Variants in CACNA1C observed in about 807,000 individuals in gnomAD.
The protein encoded by CACNA1C is voltage-dependent L-type calcium channel subunit alpha-1C.
A neutral mutation model predicts 229.0 loss-of-function variants in CACNA1C; 30 were observed. The ratio of observed to expected loss-of-function variants is 0.13; its 90% CI spans 0.10 to 0.18. The LOEUF (loss-of-function observed/expected upper bound fraction) is 0.18, where lower values mean the gene tolerates loss of function less well. Among genes scored for constraint, CACNA1C ranks in the 10% least tolerant of loss-of-function variants. CACNA1C has a pLI of 1.00. For missense variants in CACNA1C, 1,658 were observed against 2,845.0 expected (o/e 0.58, Z 9.49); for synonymous variants, 1,114 against 1,132.5 (o/e 0.98, Z 0.33).
intron 3 of CACNA1C, among the ~76,000 whole-genome samples, chr12:2,335,438 TAA>T (rs56955362): frequency 0.11 from 15,633 of 146,678 alleles, 892 homozygotes; most frequent in South Asian, 0.15. Flanking sequence ...GCATATTAGT[TAA>T]AAAAAAAAAA....
intron 9 of CACNA1C, among the ~76,000 whole-genome samples, chr12:2,546,677 C>T (rs984336596): frequency 4.6e-5 from 7 of 152,326 alleles, no homozygotes; most frequent in East Asian, 1.9e-4. Context: ...CAGCTGTAGC[C>T]GAGACCCAGC....
At chr12:2,312,358 T>A (rs1430141173) in intron 3 of CACNA1C, among the ~76,000 whole-genome samples, 1 of 152,186 alleles carries the variant, frequency 6.6e-6, no homozygotes, top group Admixed American at 6.5e-5. Context: ...ATGCGAGCTG[T>A]TCTGTTGTTG....
intron 1 of CACNA1C, among the ~76,000 whole-genome samples, chr12:2,032,803 G>T (rs1321533511): frequency 1.3e-5 from 2 of 152,176 alleles, no homozygotes; most frequent in Non-Finnish European, 2.9e-5. Flanking sequence ...CTTAGATTTT[G>T]CAGTAGAGAA....
chr12:2,625,031 G>A (rs112108361), intron 29 of CACNA1C, among the ~76,000 whole-genome samples: 5,560 of 152,186 alleles, frequency 0.037, 321 homozygotes, highest in African/African-American at 0.13. Flanking sequence ...ACGGGGCACC[G>A]GGTGCCACGC....
At chr12:2,617,111 T>C (rs1371430086) in intron 29 of CACNA1C, among the ~76,000 whole-genome samples, 1 of 151,918 alleles carries the variant, frequency 6.6e-6, no homozygotes, top group Admixed American at 6.6e-5. Flanking sequence ...TCTCAGAGAG[T>C]AGAGAGGCAG....
At chr12:2,258,875 CA>C (rs2078994616) in intron 3 of CACNA1C, among the ~76,000 whole-genome samples, 1 of 152,146 alleles carries the variant, frequency 6.6e-6, no homozygotes, top group African/African-American at 2.4e-5. Context: ...GAAGAAGGCA[CA>C]AATCTCCCTT....
chr12:2,447,220 C>T (rs1358986118), intron 3 of CACNA1C, among the ~76,000 whole-genome samples: 1 of 152,154 alleles, frequency 6.6e-6, no homozygotes, highest in Non-Finnish European at 1.5e-5. Flanking sequence ...AACCCAACAT[C>T]ACCTGACTTT....
chr12:2,523,115 AAGG>A (rs2099813031), intron 9 of CACNA1C, among the ~76,000 whole-genome samples: 1 of 134,158 alleles, frequency 7.5e-6, no homozygotes, highest in Non-Finnish European at 1.6e-5. Context: ...TGGACGGAGA[AAGG>A]AGGAAAAGAG....
At chr12:2,143,611 C>T (rs565018839) in intron 3 of CACNA1C, among the ~76,000 whole-genome samples, 21 of 151,204 alleles carry the variant, frequency 1.4e-4, no homozygotes, top group Admixed American at 4.7e-4. Flanking sequence ...ATACAGTCTG[C>T]GTGTGTCGTA....
chr12:2,610,479 A>G (rs1323686347), intron 27 of CACNA1C, 62 bp from the exon 28 acceptor site: 2 of 1,531,364 alleles, frequency 1.3e-6, no homozygotes, highest in East Asian at 4.5e-5. Flanking sequence ...CTTCTCTGCC[A>G]GCTCCCCCCA....
intron 3 of CACNA1C, among the ~76,000 whole-genome samples, chr12:2,279,268 A>G (rs1477681644): frequency 6.6e-6 from 1 of 152,102 alleles, no homozygotes; most frequent in African/African-American, 2.4e-5. Flanking sequence ...GTTCAGTTCC[A>G]TTGATCCATT....
intron 3 of CACNA1C, among the ~76,000 whole-genome samples, chr12:2,224,325 C>A (rs1264140585): frequency 3.3e-5 from 5 of 152,242 alleles, no homozygotes; most frequent in Non-Finnish European, 7.3e-5. Context: ...AAACGAGTCA[C>A]ACATCTGTAT....
chr12:2,622,810 C>T (rs557853070), intron 29 of CACNA1C, among the ~76,000 whole-genome samples: 5 of 152,274 alleles, frequency 3.3e-5, no homozygotes, highest in Admixed American at 6.5e-5. Context: ...ACCTGTGTTC[C>T]GCCCCTACAA....
At position 2,677,215 on chromosome 12, in the gene CACNA1C, T is replaced by C. The variant is rs1415957395; in HGVS notation, c.4950T>C (p.Ser1650=). The C allele has an allele frequency of 5.0e-6, 8 of 1,613,582 alleles. No homozygotes were observed. The highest frequency in any genetic ancestry group is 6.8e-6 in the Non-Finnish European group (8 of 1,179,738). The change falls in exon 40 of 47, where the codon TCT becomes TCC. Residue 1650 remains serine, a synonymous_variant. Coordinates refer to ENST00000399655, the MANE Select transcript of CACNA1C (RefSeq NM_000719.7). This position sits in a 1 kb window ranked among gnomAD's most constrained non-coding sequence, Gnocchi z 7.4. ...VGKPSQRNAL[S]LQAGLRTLHD... ...AGCCCTCCCAGAGGAACGCGCTGTC[T>C]CTGCAGGTGAGGGCCTGGGGGCGGG...
intron 1 of CACNA1C, among the ~76,000 whole-genome samples, chr12:2,004,923 T>C (rs190318433): frequency 1.3e-5 from 2 of 151,808 alleles, no homozygotes; most frequent in Non-Finnish European, 2.9e-5. Context: ...CTGGAACCCT[T>C]TGGGAGTTTC....
chr12:2,150,817 T>C (rs987339787), intron 3 of CACNA1C, among the ~76,000 whole-genome samples: 1 of 152,232 alleles, frequency 6.6e-6, no homozygotes, highest in African/African-American at 2.4e-5. Flanking sequence ...GCTCTTATTT[T>C]CTCACTCTGA....
chr12:2,552,829 A>G (rs2042044871), intron 10 of CACNA1C, among the ~76,000 whole-genome samples: 2 of 152,172 alleles, frequency 1.3e-5, no homozygotes, highest in Admixed American at 1.3e-4. Flanking sequence ...GAGGCCATGG[A>G]CAGGGAGGAA....
In CACNA1C at chr12:2,572,709, C is replaced by T. The variant is rs571779892; in HGVS notation, c.1895+4915C>T. 7.9e-4 allele frequency among the ~76,000 whole-genome samples: 98 copies of T among 124,504 alleles called. 1 individual carries two copies. Among genetic ancestry groups the T allele is most frequent in the African/African-American group, 3.0e-3 (95 of 31,690 alleles). The allele number at this position is 124,504 out of a possible 152,430, so 81.7% of individuals were successfully genotyped here. ...TCTCTTCCTCCTTCTCCTCTTCCTC[C>T]TCCTCTTCCTCCTCCTCTTCCTCTT... On this transcript the variant is annotated intron_variant, in intron 13 of 46. Transcript: ENST00000399655.
intron 46 of CACNA1C, 183 bp from the exon 47 acceptor site, chr12:2,690,717 G>A: frequency 1.7e-6 from 1 of 598,574 alleles, no homozygotes; most frequent in East Asian, 2.9e-5. Flanking sequence ...AATTCTGGCA[G>A]ATGCTCCATC....
Sources: gnomAD v4.1 joint callset for allele counts (sites outside exome capture counted in the v4.1 genomes callset) on GRCh38, gnomAD v4.1.1 for gene constraint, Gnocchi (gnomAD v3.1) non-coding constraint, MANE v1.5 for transcripts, NCBI Gene and HGNC (gene_info 2026-07-23, HGNC 2026-07-21) for gene names.